EPHA7: variants seen among roughly 807,000 people sequenced by gnomAD.
The protein encoded by EPHA7 is ephrin type-A receptor 7.
A neutral mutation model predicts 112.6 loss-of-function variants in EPHA7; 25 were observed. That is an observed-to-expected ratio of 0.22 (90% confidence interval 0.16 to 0.31). The LOEUF is 0.31. EPHA7 is among the 10% of genes least tolerant of loss of function. EPHA7 has a pLI of 1.00. For missense variants in EPHA7, 962 were observed against 1,212.6 expected (o/e 0.79, Z 3.07); for synonymous variants, 437 against 406.5 (o/e 1.07, Z -0.90).
chr6:93,321,397 A>G (rs910807225), intron 5 of EPHA7, among the ~76,000 whole-genome samples: 4 of 151,930 alleles, frequency 2.6e-5, no homozygotes, highest in African/African-American at 2.4e-5. Context: ...ATTCCCCAAT[A>G]AAATTCCTGC....
intron 5 of EPHA7, among the ~76,000 whole-genome samples, chr6:93,284,090 G>T (rs948259509): frequency 2.0e-5 from 3 of 152,128 alleles, no homozygotes; most frequent in Non-Finnish European, 4.4e-5. Context: ...AATAATGGTT[G>T]AAGAGAATGA....
chr6:93,337,192 A>G (rs1331645607), intron 5 of EPHA7, among the ~76,000 whole-genome samples: 3 of 152,186 alleles, frequency 2.0e-5, no homozygotes, highest in Non-Finnish European at 4.4e-5. Context: ...AGAACACTGA[A>G]GAAAGATCCA....
chr6:93,368,609 T>C (rs971065783), intron 3 of EPHA7, among the ~76,000 whole-genome samples: 1 of 152,104 alleles, frequency 6.6e-6, no homozygotes, highest in African/African-American at 2.4e-5. Context: ...TCCCATAATA[T>C]ATTTAAATCT....
intron 5 of EPHA7, among the ~76,000 whole-genome samples, chr6:93,331,432 A>G (rs890501581): frequency 2.0e-5 from 3 of 149,246 alleles, no homozygotes; most frequent in African/African-American, 7.4e-5. Context: ...TATGCAGATT[A>G]TATATTTAGC....
Position 93,243,000 on chromosome 6 carries a change from C to T in EPHA7, c.*426G>A, listed in dbSNP as rs1769750723. ...ACAAAGTCCTTATGAAGAATAAACA[C>T]AAATGATTTTAAAAAGGAATAGTCT... is the stretch of plus-strand genomic sequence containing the variant. On this transcript the variant is annotated 3_prime_UTR_variant, in exon 17 of 17. Transcript: ENST00000369303. 9.1e-6 allele frequency: 2 copies of T among 219,656 alleles called. No individual in the cohort carries two copies. Among genetic ancestry groups the T allele is most frequent in the African/African-American group, 4.5e-5 (2 of 44,604 alleles). 13.6% of individuals were successfully genotyped at this position (219,656 alleles called of 1,614,324 possible).
chr6:93,245,401 A>T lies in EPHA7; in HGVS notation c.2779T>A (p.Ser927Thr). 1 of 1,613,822 alleles carries T rather than the reference A, an allele frequency of 6.2e-7. No individual in the cohort carries two copies. Among genetic ancestry groups the T allele is most frequent in the South Asian group, 1.1e-5 (1 of 91,076 alleles). ...ATAGCTTGTAGCCATTCTCCAACTGAACAAAAGGTAGTGAAATCAGGAGTG... is the reference window on the plus strand; with the variant it reads ...ATAGCTTGTAGCCATTCTCCAACTGTACAAAAGGTAGTGAAATCAGGAGTG... Reference protein sequence around the residue: ...QNTPDFTTFCSVGEWLQAIKM... With the variant: ...QNTPDFTTFCTVGEWLQAIKM... Residue 927 changes from serine to threonine, a missense_variant, in exon 16 of 17, where the codon TCA (serine) becomes ACA (threonine). Coordinates refer to ENST00000369303, the MANE Select transcript of EPHA7 (RefSeq NM_004440.4).
At chr6:93,364,601 C>G (rs914259435) in intron 3 of EPHA7, among the ~76,000 whole-genome samples, 2 of 148,320 alleles carry the variant, frequency 1.3e-5, no homozygotes, top group African/African-American at 2.5e-5. Context: ...AACAGGCAAA[C>G]ATTAAGAAAA....
chr6:93,377,144 C>T (rs1237722812), intron 3 of EPHA7, among the ~76,000 whole-genome samples: 3 of 152,132 alleles, frequency 2.0e-5, no homozygotes, highest in African/African-American at 7.2e-5. Context: ...CAGACACTTT[C>T]CATGATCATA....
intron 7 of EPHA7, among the ~76,000 whole-genome samples, chr6:93,265,942 T>C (rs940713846): frequency 6.6e-6 from 1 of 151,732 alleles, no homozygotes; most frequent in Non-Finnish European, 1.5e-5. Context: ...TTTGTATACC[T>C]ATGCTAACAA....
At chr6:93,376,493 G>T (rs1452428516) in intron 3 of EPHA7, among the ~76,000 whole-genome samples, 2 of 152,108 alleles carry the variant, frequency 1.3e-5, no homozygotes, top group Admixed American at 6.5e-5. Context: ...TAACTGACAT[G>T]AATTCTTTGA....
intron 3 of EPHA7, among the ~76,000 whole-genome samples, chr6:93,405,811 GTGTATATATATA>G (rs1378070047): frequency 9.5e-4 from 56 of 58,944 alleles, no homozygotes; most frequent in African/African-American, 4.9e-3. Flanking sequence ...GTGTGTGTGT[GTGTATATATATA>G]TATATATATA....
At chr6:93,398,053 A>T (rs1193335835) in intron 3 of EPHA7, among the ~76,000 whole-genome samples, 1 of 151,928 alleles carries the variant, frequency 6.6e-6, no homozygotes, top group Non-Finnish European at 1.5e-5. Flanking sequence ...ATCCTTAAAA[A>T]CTAAAGATCA....
Position 93,246,973 on chromosome 6 carries a change from T to G in EPHA7, c.2545A>C (p.Ile849Leu). Residue 849 changes from isoleucine to leucine, a missense_variant, in exon 15 of 17, where the codon ATA becomes CTA. Ile to Leu is a conservative substitution (Grantham distance 5). Around this residue, in one of 3 missense-constraint regions of EPHA7, gnomAD observed 746 missense variants for 889.2 expected, o/e 0.84. Coordinates refer to ENST00000369303, the MANE Select transcript of EPHA7 (RefSeq NM_004440.4). ...GCTGGTAAACGATAACCTTCTTCTA[T>G]TGCTTTTATAACCTAATAGCCAAAA... ...DMSNQDVIKA[I>L]EEGYRLPAPM... 6.3e-7 allele frequency: 1 copy of G among 1,589,246 alleles called. No homozygotes were observed. The highest frequency in any genetic ancestry group is 1.1e-5 in the South Asian group (1 of 89,198).
At position 93,331,942 on chromosome 6, in the gene EPHA7, A is replaced by G. The variant is rs563075272; in HGVS notation, c.1324+24775T>C. On this transcript the variant is annotated intron_variant, in intron 5 of 16. Transcript: ENST00000369303. ...GACAACATGCCACATTGCCTCACAC[A>G]GTTCAGTTCAATAGAAATAATATAT... Among the ~76,000 whole-genome samples, 9 of 151,726 alleles carry G rather than the reference A, an allele frequency of 5.9e-5. No homozygotes were observed. In the East Asian group the frequency reaches 1.7e-3, roughly 29 times the overall value.
chr6:93,386,756 C>T (rs765781304), intron 3 of EPHA7, among the ~76,000 whole-genome samples: 23 of 152,132 alleles, frequency 1.5e-4, no homozygotes, highest in Non-Finnish European at 3.1e-4. Flanking sequence ...AACCTCAATT[C>T]TTGATGTCTG....
At chr6:93,335,658 T>G (rs1452824839) in intron 5 of EPHA7, among the ~76,000 whole-genome samples, 1 of 152,106 alleles carries the variant, frequency 6.6e-6, no homozygotes, top group Non-Finnish European at 1.5e-5. Context: ...GTTTTCATTT[T>G]TTTTTTAAAT....
intron 14 of EPHA7, among the ~76,000 whole-genome samples, chr6:93,247,868 T>C (rs980867114): frequency 6.6e-6 from 1 of 152,162 alleles, no homozygotes; most frequent in African/African-American, 2.4e-5. Context: ...CCTATAAACA[T>C]TTGTATGTAG....
intron 3 of EPHA7, among the ~76,000 whole-genome samples, chr6:93,403,014 T>C (rs1291797850): frequency 6.6e-6 from 1 of 152,076 alleles, no homozygotes; most frequent in African/African-American, 2.4e-5. Flanking sequence ...ATAACAGTTA[T>C]ATTATCTTCA....
Position 93,410,366 on chromosome 6 carries a change from C to T in EPHA7, c.832+135G>A, listed in dbSNP as rs1163437980. On this transcript the variant is annotated intron_variant, in intron 3 of 16. Transcript: ENST00000369303. The surrounding 1 kb of genome is among the most constrained non-coding windows in gnomAD (Gnocchi z 4.0). ...GGGCAATCACTAAGTTCAACGGTGA[C>T]TTTGTTTAAGATCTACTGAATTGCG... 1 of 770,666 alleles carries T rather than the reference C, an allele frequency of 1.3e-6. No homozygotes were observed. The highest frequency in any genetic ancestry group is 1.7e-5 in the African/African-American group (1 of 57,326). The allele number at this position is 770,666 out of a possible 1,614,324, so 47.7% of individuals were successfully genotyped here.
Sources: allele counts gnomAD v4.1 joint callset (sites outside exome capture counted in the v4.1 genomes callset), GRCh38; gene constraint gnomAD v4.1.1; regional missense constraint gnomAD v4.1.1; non-coding constraint Gnocchi (gnomAD v3.1); transcripts MANE v1.5; gene names NCBI Gene and HGNC (gene_info 2026-07-23, HGNC 2026-07-21).